INTU: variants seen among roughly 807,000 people sequenced by gnomAD.
INTU encodes protein inturned.
A neutral mutation model predicts 100.5 loss-of-function variants in INTU; 68 were observed. The ratio of observed to expected loss-of-function variants is 0.68; its 90% CI spans 0.56 to 0.83. INTU has a LOEUF of 0.83. Among genes scored for constraint, INTU ranks in the 40% least tolerant of loss-of-function variants. INTU has a pLI of 0.00. For missense variants in INTU, 1,071 were observed against 1,114.7 expected, an observed-to-expected ratio of 0.96 and a Z score of 0.56; for synonymous variants, 357 against 395.7, an observed-to-expected ratio of 0.90 and a Z score of 1.16.
intron 2 of INTU, among the ~76,000 whole-genome samples, chr4:127,655,896 C>T (rs1334026406): frequency 6.6e-6 from 1 of 152,244 alleles, no homozygotes; most frequent in African/African-American, 2.4e-5. Flanking sequence ...GTAGGACCCT[C>T]CGAGCCAGGT....
At chr4:127,653,510 GT>G (rs1357793292) in intron 2 of INTU, among the ~76,000 whole-genome samples, 34 of 151,846 alleles carry the variant, frequency 2.2e-4, no homozygotes, top group Admixed American at 1.7e-3. Context: ...AGGTTGTTCA[GT>G]TTCCATGTAG....
rs869116277 is a variant in INTU at position 127,640,542 on chromosome 4, CATATATATATATATAT to C, written c.147-2945_147-2930del. ...TGGTATAGTCTTTTGGGTAAAGATA[CATATATATATATATAT>C]ATATATATATATATATATATATATA... On this transcript the variant is annotated intron_variant, in intron 1 of 15. Transcript: ENST00000335251. Among the ~76,000 whole-genome samples the C allele has an allele frequency of 4.0e-3, 214 of 53,634 alleles. 3 individuals carry two copies. Among genetic ancestry groups the C allele is most frequent in the Non-Finnish European group, 4.9e-3 (154 of 31,300 alleles). The allele number at this position is 53,634 out of a possible 152,430, so 35.2% of individuals were successfully genotyped here. A position where few individuals can be genotyped will look rare whatever the true frequency, so the allele number is the denominator to read the frequency against.
chr4:127,707,264 C>G (rs561954947), intron 12 of INTU, among the ~76,000 whole-genome samples: 2 of 151,818 alleles, frequency 1.3e-5, no homozygotes, highest in Admixed American at 6.6e-5. Context: ...CACCTGTGAT[C>G]CCAGATGCAT....
At chr4:127,656,757 C>A in intron 3 of INTU, 36 bp downstream of exon 3, 1 of 1,314,632 alleles carries the variant, frequency 7.6e-7, no homozygotes, top group Non-Finnish European at 1.1e-6. Flanking sequence ...TATGATGTTA[C>A]ATAAAATAAA....
At chr4:127,644,095 G>T (rs1301732651) in intron 2 of INTU, 39 bp downstream of exon 2, 1 of 1,564,338 alleles carries the variant, frequency 6.4e-7, no homozygotes. Flanking sequence ...TGTTTACAGA[G>T]ATCTTGATTA....
chr4:127,708,739 CAT>C (rs1173092713), intron 13 of INTU, 71 bp downstream of exon 13: 1 of 725,108 alleles, frequency 1.4e-6, no homozygotes, highest in East Asian at 2.7e-5. Context: ...AATTTTATAA[CAT>C]GTATTTTACT....
At chr4:127,690,627 C>T (rs1730073190) in intron 8 of INTU, among the ~76,000 whole-genome samples, 1 of 152,136 alleles carries the variant, frequency 6.6e-6, no homozygotes, top group African/African-American at 2.4e-5. Flanking sequence ...TAGTCTAAAG[C>T]TCTATTTGAT....
At chr4:127,686,906 A>G (rs1729852616) in intron 7 of INTU, 1 of 152,214 alleles carries the variant, frequency 6.6e-6, no homozygotes. Flanking sequence ...CCGATAGCAT[A>G]TGTACCTGCT....
intron 1 of INTU, among the ~76,000 whole-genome samples, chr4:127,636,922 G>T (rs1161652056): frequency 6.6e-6 from 1 of 152,134 alleles, no homozygotes; most frequent in Non-Finnish European, 1.5e-5. Context: ...AAGGCACATG[G>T]TATATAACTA....
intron 4 of INTU, among the ~76,000 whole-genome samples, chr4:127,666,725 G>A (rs932503589): frequency 6.6e-6 from 1 of 152,142 alleles, no homozygotes; most frequent in Non-Finnish European, 1.5e-5. Context: ...GTATGTTCTG[G>A]CCATGGATCT....
rs201913830 is a variant in INTU, at chr4:127,699,077, G to GA, written c.1450-923dup. On this transcript the variant is annotated intron_variant, in intron 8 of 15. Coordinates refer to ENST00000335251, the MANE Select transcript of INTU (RefSeq NM_015693.4). ...TGCAGAGAGTGCCTTGGCCTTTAAA[G>GA]AAAAAAAAAAGATTCTCTGGGAGGC... 3.0e-4 allele frequency among the ~76,000 whole-genome samples: 44 copies of GA among 148,054 alleles called. 1 individual carries two copies. Among genetic ancestry groups the GA allele is most frequent in the South Asian group, 6.4e-4 (3 of 4,686 alleles).
intron 7 of INTU, chr4:127,686,827 A>G (rs942380370): frequency 6.6e-6 from 1 of 152,228 alleles, no homozygotes; most frequent in South Asian, 2.1e-4. Flanking sequence ...AGCAATGAGA[A>G]TAGTGCCTGG....
rs759819404 is a variant in INTU, at chr4:127,643,821, GACAGGAGTCATTGTCCA to G, written c.452_468del (p.Gly151AlafsTer48). 8 of 1,613,898 alleles carry G rather than the reference GACAGGAGTCATTGTCCA, an allele frequency of 5.0e-6. No homozygotes were observed. The highest frequency in any genetic ancestry group is 1.3e-5 in the African/African-American group (1 of 74,882). On this transcript the variant is annotated frameshift_variant, in exon 2 of 16. Transcript: ENST00000335251. LOFTEE classifies it high-confidence loss of function. ...TTCTAAAGCATCAGTCCAATCAGAA[GACAGGAGTCATTGTCCA>G]ACAGCGATACAAAGATGTGAATGTT...
At chr4:127,635,807 A>G (rs751597205) in intron 1 of INTU, among the ~76,000 whole-genome samples, 28 of 152,206 alleles carry the variant, frequency 1.8e-4, no homozygotes, top group Non-Finnish European at 2.6e-4. Flanking sequence ...AAGTCCATTT[A>G]TGCCTCTCCT....
At chr4:127,667,539 A>G (rs1479741731) in intron 4 of INTU, among the ~76,000 whole-genome samples, 1 of 152,136 alleles carries the variant, frequency 6.6e-6, no homozygotes, top group Non-Finnish European at 1.5e-5. Context: ...TCAAGTCACA[A>G]GATTTCAAAA....
At chr4:127,669,454 C>T (rs189467246) in intron 5 of INTU, among the ~76,000 whole-genome samples, 1 of 151,462 alleles carries the variant, frequency 6.6e-6, no homozygotes, top group East Asian at 1.9e-4. Context: ...TTTTAAAAAA[C>T]ACTCGGGCCT....
At chr4:127,641,855 A>G (rs1727348652) in intron 1 of INTU, among the ~76,000 whole-genome samples, 2 of 152,168 alleles carry the variant, frequency 1.3e-5, no homozygotes, top group South Asian at 4.1e-4. Context: ...ATCATAACCA[A>G]AAGTGATTTC....
chr4:127,700,610 T>A (rs954794689), intron 9 of INTU, among the ~76,000 whole-genome samples: 3 of 152,110 alleles, frequency 2.0e-5, no homozygotes, highest in African/African-American at 7.2e-5. Context: ...TCTTGTCATA[T>A]CAGAAATTCA....
intron 5 of INTU, among the ~76,000 whole-genome samples, chr4:127,673,652 A>G (rs1729037740): frequency 6.6e-6 from 1 of 150,692 alleles, no homozygotes; most frequent in African/African-American, 2.4e-5. Context: ...GCTGGAGTGC[A>G]GTGGCACAAT....
Sources: gnomAD v4.1 joint callset for allele counts (sites outside exome capture counted in the v4.1 genomes callset) on GRCh38, gnomAD v4.1.1 for gene constraint, MANE v1.5 for transcripts, NCBI Gene and HGNC (gene_info 2026-07-23, HGNC 2026-07-21) for gene names.